The following FOXN3 variants were observed in gnomAD, a reference collection of about 807,000 sequenced individuals.
The protein encoded by FOXN3 is forkhead box N3, also known as forkhead box protein N3.
FOXN3 carries 7 observed loss-of-function variants against 38.4 expected under a neutral mutation model. The observed-to-expected ratio is 0.18, with a 90% confidence interval of 0.10 to 0.34. The LOEUF is 0.34. FOXN3 is among the 10% of genes least tolerant of loss of function. The pLI, the probability that FOXN3 is intolerant of heterozygous loss-of-function variation, is 1.00. For missense variants in FOXN3, 456 were observed against 613.4 expected (o/e 0.74, Z 2.71); for synonymous variants, 230 against 242.2 (o/e 0.95, Z 0.47).
chr14:89,580,638 G>A (rs1049190634), intron 1 of FOXN3, among the ~76,000 whole-genome samples: 3 of 152,180 alleles, frequency 2.0e-5, no homozygotes, highest in Non-Finnish European at 4.4e-5. Flanking sequence ...CAGAATTGAG[G>A]CAGCTCTCCC....
intron 1 of FOXN3, among the ~76,000 whole-genome samples, chr14:89,454,340 T>A (rs1596280356): frequency 6.6e-6 from 1 of 152,180 alleles, no homozygotes; most frequent in Non-Finnish European, 1.5e-5. Context: ...GCTGTGGCTG[T>A]CTGCAAACAA....
chr14:89,367,888 G>A (rs1175889039), intron 2 of FOXN3, among the ~76,000 whole-genome samples: 1 of 152,122 alleles, frequency 6.6e-6, no homozygotes, highest in Admixed American at 6.5e-5. Context: ...AATTTAAAAG[G>A]TAAATGACTC....
chr14:89,567,069 G>T (rs1895369402), intron 1 of FOXN3, among the ~76,000 whole-genome samples: 1 of 152,176 alleles, frequency 6.6e-6, no homozygotes, highest in African/African-American at 2.4e-5. Context: ...TAATAATGGT[G>T]GCACAAGGAC....
At chr14:89,244,758 C>T (rs12433095) in intron 4 of FOXN3, among the ~76,000 whole-genome samples, 41,396 of 152,054 alleles carry the variant, frequency 0.27, 6,702 homozygotes, top group South Asian at 0.4. Context: ...CCTTCAGATA[C>T]GTACAAAACA....
chr14:89,527,911 A>G (rs1384304426), intron 1 of FOXN3, among the ~76,000 whole-genome samples: 3 of 152,064 alleles, frequency 2.0e-5, no homozygotes, highest in African/African-American at 7.2e-5. Context: ...CATGTTGACC[A>G]GGTTGGTCTC....
intron 1 of FOXN3, among the ~76,000 whole-genome samples, chr14:89,562,657 T>C (rs911721427): frequency 3.3e-5 from 5 of 152,216 alleles, no homozygotes; most frequent in African/African-American, 1.2e-4. Flanking sequence ...TCTGGCCTCA[T>C]GTAGACCTTC....
intron 4 of FOXN3, among the ~76,000 whole-genome samples, chr14:89,273,118 T>C (rs1369032816): frequency 6.6e-6 from 1 of 152,252 alleles, no homozygotes; most frequent in African/African-American, 2.4e-5. Context: ...AGCTCTTGAA[T>C]ATGGGTCAGC....
intron 1 of FOXN3, among the ~76,000 whole-genome samples, chr14:89,474,486 AAGAAC>A (rs1893169605): frequency 6.6e-6 from 1 of 152,236 alleles, no homozygotes; most frequent in Admixed American, 6.5e-5. Flanking sequence ...TTATTAATGA[AAGAAC>A]TGTACAAATA....
intron 5 of FOXN3, among the ~76,000 whole-genome samples, chr14:89,167,284 C>G (rs1261434989): frequency 6.6e-6 from 1 of 152,254 alleles, no homozygotes; most frequent in African/African-American, 2.4e-5. Context: ...ACATGGCCAT[C>G]TGCCATTTTT....
chr14:89,409,986 T>C (rs1221306255), intron 2 of FOXN3, among the ~76,000 whole-genome samples: 1 of 152,090 alleles, frequency 6.6e-6, no homozygotes, highest in East Asian at 1.9e-4. Flanking sequence ...CAGAAACTTA[T>C]GAATATTCAG....
chr14:89,304,972 CAAAT>C (rs146451258), intron 3 of FOXN3, among the ~76,000 whole-genome samples: 16,483 of 148,492 alleles, frequency 0.11, 1,178 homozygotes, highest in African/African-American at 0.2. Flanking sequence ...AAGTACCAAC[CAAAT>C]AAATAGTGTT....
At position 89,242,766 on chromosome 14, in the gene FOXN3, C is replaced by T. The variant is rs1294943428; in HGVS notation, c.745+38184G>A. On this transcript the variant is annotated intron_variant, in intron 4 of 5. Coordinates refer to ENST00000557258, the MANE Select transcript of FOXN3 (RefSeq NM_005197.4). ...GCAAGAAGTGTATCCAATCTAAATA[C>T]TGCATGTATTATGATAACAGAGTTC... Among the ~76,000 whole-genome samples, 3 of 152,122 alleles carry T rather than the reference C, an allele frequency of 2.0e-5. 1 individual carries two copies. Among genetic ancestry groups the T allele is most frequent in the Non-Finnish European group, 1.5e-5 (1 of 68,016 alleles).
intron 1 of FOXN3, among the ~76,000 whole-genome samples, chr14:89,425,360 C>T (rs1055746779): frequency 6.6e-6 from 1 of 151,486 alleles, no homozygotes; most frequent in African/African-American, 2.4e-5. Flanking sequence ...TGAGCCACTG[C>T]GCCTGGCCTG....
intron 4 of FOXN3, among the ~76,000 whole-genome samples, chr14:89,247,403 T>C (rs933797558): frequency 6.6e-6 from 1 of 152,208 alleles, no homozygotes; most frequent in Non-Finnish European, 1.5e-5. Flanking sequence ...GGGAGAGCTA[T>C]GAAAGGCCAG....
At chr14:89,532,497 A>C (rs1478725696) in intron 1 of FOXN3, among the ~76,000 whole-genome samples, 1 of 152,184 alleles carries the variant, frequency 6.6e-6, no homozygotes. Flanking sequence ...TTCCCTCTCC[A>C]AACTGTTTAA....
chr14:89,581,734 C>T (rs1461734428), intron 1 of FOXN3, among the ~76,000 whole-genome samples: 1 of 152,150 alleles, frequency 6.6e-6, no homozygotes, highest in Non-Finnish European at 1.5e-5. Flanking sequence ...GGACAGTGGA[C>T]ATGGGTCTCT....
Position 89,459,303 on chromosome 14 carries a change from G to T in FOXN3, c.-14-46813C>A, listed in dbSNP as rs564141728. Among the ~76,000 whole-genome samples, 4 of 152,308 alleles carry T rather than the reference G, an allele frequency of 2.6e-5. No individual in the cohort carries two copies. The East Asian group carries it at 7.7e-4, about 29-fold the overall frequency. ...ACCTTTGGAAGGAAACTCCTAAAAG[G>T]TCACATTATTTCTTGACAATCCACT... On this transcript the variant is annotated intron_variant, in intron 1 of 6. Transcript: ENST00000345097.
At chr14:89,224,102 A>G (rs891995635) in intron 4 of FOXN3, among the ~76,000 whole-genome samples, 1 of 151,904 alleles carries the variant, frequency 6.6e-6, no homozygotes, top group Non-Finnish European at 1.5e-5. Flanking sequence ...GTAAGGTCAT[A>G]TATACTATAC....
chr14:89,472,061 G>T (rs1174393390), intron 1 of FOXN3, among the ~76,000 whole-genome samples: 1 of 151,924 alleles, frequency 6.6e-6, no homozygotes, highest in Admixed American at 6.6e-5. Flanking sequence ...TTCGAGACCA[G>T]CCTGGCCAAC....
Sources: allele counts gnomAD v4.1 joint callset (sites outside exome capture counted in the v4.1 genomes callset), GRCh38; gene constraint gnomAD v4.1.1; transcripts MANE v1.5; gene names NCBI Gene and HGNC (gene_info 2026-07-23, HGNC 2026-07-21).